USP47: variants seen among roughly 807,000 people sequenced by gnomAD.
USP47 encodes ubiquitin carboxyl-terminal hydrolase 47.
Under a neutral mutation model 165.1 loss-of-function variants are expected in USP47, and 35 were observed. That is an observed-to-expected ratio of 0.21 (90% CI 0.16 to 0.28). USP47 has a LOEUF of 0.28. Among genes scored for constraint, USP47 ranks in the 10% least tolerant of loss-of-function variants. The pLI, the probability that USP47 is intolerant of heterozygous loss-of-function variation, is 1.00. For synonymous variants in USP47, 531 were observed against 544.5 expected (o/e 0.98, Z 0.35); for missense variants, 1,277 against 1,607.4 (o/e 0.79, Z 3.52).
In USP47 at chr11:11,954,884, T is replaced by C. The variant is rs761412061; in HGVS notation, c.3715-13T>C. 6.2e-7 allele frequency: 1 copy of C among 1,610,712 alleles called. No individual in the cohort carries two copies. The highest frequency in any genetic ancestry group is 1.1e-5 in the South Asian group (1 of 89,818). ...TTTTTAAATGAACTCAAATAAAATG[T>C]TTTATTTTACAGCTTAGTGAAATCA... is the stretch of plus-strand genomic sequence containing the variant. On this transcript the variant is annotated splice_polypyrimidine_tract_variant and intron_variant, in intron 25 of 27. Coordinates refer to ENST00000527733, the MANE Select transcript of USP47 (RefSeq NM_001282659.2).
At chr11:11,903,462 C>G in intron 7 of USP47, 120 bp downstream of exon 7, 1 of 850,540 alleles carries the variant, frequency 1.2e-6, no homozygotes, top group Non-Finnish European at 1.8e-6. Flanking sequence ...GTTAAAGTAC[C>G]CAATGGGAAA....
intron 25 of USP47, among the ~76,000 whole-genome samples, chr11:11,953,904 CATT>C (rs1337078161): frequency 2.6e-5 from 4 of 152,024 alleles, no homozygotes; most frequent in Non-Finnish European, 5.9e-5. Flanking sequence ...CAGTTGGCAT[CATT>C]TGTCAGTATT....
chr11:11,905,628 A>G, intron 8 of USP47, 80 bp downstream of exon 8: 1 of 1,336,260 alleles, frequency 7.5e-7, no homozygotes. Flanking sequence ...CTTGTAAGGT[A>G]AGTATCATCC....
chr11:11,948,446 A>G (rs934790453), intron 21 of USP47, 32 bp from the exon 22 acceptor site: 1 of 1,556,736 alleles, frequency 6.4e-7, no homozygotes, highest in Non-Finnish European at 8.9e-7. Context: ...CTGCTGAGAC[A>G]GCATGTCTAA....
In USP47 at chr11:11,942,472, C is replaced by G; in HGVS notation, c.2451C>G (p.Ser817=). ...CTGAACAATCCCCAGTATCTTATTC[C>G]AAAAGGACAGCATACCAGAAAGCTG... is the stretch of plus-strand genomic sequence containing the variant. ...LLPEQSPVSY[S]KRTAYQKAGG... The change falls in exon 20 of 28, where the codon TCC becomes TCG. Residue 817 remains serine (S), a synonymous_variant. Coordinates refer to ENST00000527733, the MANE Select transcript of USP47 (RefSeq NM_001282659.2). The G allele has an allele frequency of 6.2e-7, 1 of 1,613,482 alleles. No individual in the cohort carries two copies. The highest frequency in any genetic ancestry group is 1.7e-5 in the Admixed American group (1 of 59,906).
intron 4 of USP47, among the ~76,000 whole-genome samples, chr11:11,892,818 T>TAA (rs778720093): frequency 0.013 from 1,049 of 80,060 alleles, 28 homozygotes; most frequent in African/African-American, 0.053. Flanking sequence ...CTGTCTCAAG[T>TAA]AAAAAAAAAA....
At chr11:11,905,307 C>A in intron 7 of USP47, 92 bp from the exon 8 acceptor site, 1 of 843,026 alleles carries the variant, frequency 1.2e-6, no homozygotes, top group Non-Finnish European at 1.6e-6. Flanking sequence ...TATCAATATC[C>A]TTTTGTAAAC....
chr11:11,910,513 A>G (rs1316211771), intron 8 of USP47, among the ~76,000 whole-genome samples: 2 of 152,064 alleles, frequency 1.3e-5, no homozygotes, highest in Non-Finnish European at 2.9e-5. Context: ...GGGAGCCTAG[A>G]TTCTCTGTTC....
intron 27 of USP47, among the ~76,000 whole-genome samples, chr11:11,955,543 C>T (rs1856510735): frequency 6.6e-6 from 1 of 152,126 alleles, no homozygotes; most frequent in Non-Finnish European, 1.5e-5. Flanking sequence ...GCTCAATAGC[C>T]ACATGTGGCT....
chr11:11,914,788 A>T (rs1853285620), intron 8 of USP47, among the ~76,000 whole-genome samples: 1 of 152,186 alleles, frequency 6.6e-6, no homozygotes, highest in African/African-American at 2.4e-5. Flanking sequence ...GGAAATGCAA[A>T]TTCAAACCAT....
intron 10 of USP47, 54 bp from the exon 11 acceptor site, chr11:11,922,670 G>T: frequency 1.4e-6 from 2 of 1,458,820 alleles, no homozygotes; most frequent in South Asian, 2.9e-5. Context: ...AAGTTTTGTT[G>T]AACATATTTT....
intron 1 of USP47, chr11:11,873,849 A>G (rs533131577): frequency 8.7e-6 from 13 of 1,489,730 alleles, no homozygotes; most frequent in Non-Finnish European, 1.2e-5. Flanking sequence ...ATGAAGAAGA[A>G]ATTTTTACAG....
intron 1 of USP47, chr11:11,873,799 G>A (rs1386063050): frequency 6.8e-7 from 1 of 1,466,172 alleles, no homozygotes; most frequent in Admixed American, 2.2e-5. Flanking sequence ...ATATACCATA[G>A]GATGTGTTTT....
chr11:11,846,543 C>T (rs1185883358), intron 1 of USP47, among the ~76,000 whole-genome samples: 2 of 152,122 alleles, frequency 1.3e-5, no homozygotes, highest in East Asian at 3.9e-4. Context: ...GTCTTTCATG[C>T]AATCACTACT....
intron 2 of USP47, among the ~76,000 whole-genome samples, chr11:11,882,025 T>C (rs1850866449): frequency 6.6e-6 from 1 of 152,182 alleles, no homozygotes; most frequent in Non-Finnish European, 1.5e-5. Context: ...GTATTCTAGA[T>C]AGCCTTTTTT....
At chr11:11,892,498 C>T (rs1195006052) in intron 4 of USP47, among the ~76,000 whole-genome samples, 2 of 150,468 alleles carry the variant, frequency 1.3e-5, no homozygotes, top group Non-Finnish European at 3.0e-5. Context: ...CCTCCCACCT[C>T]AGTCCCCTGA....
At chr11:11,914,315 T>A (rs1287091098) in intron 8 of USP47, among the ~76,000 whole-genome samples, 1 of 152,086 alleles carries the variant, frequency 6.6e-6, no homozygotes, top group African/African-American at 2.4e-5. Context: ...AAATGGTGTT[T>A]CCAACAAATG....
At chr11:11,854,557 C>A (rs1156395007) in intron 1 of USP47, among the ~76,000 whole-genome samples, 2 of 147,560 alleles carry the variant, frequency 1.4e-5, no homozygotes, top group African/African-American at 4.9e-5. Context: ...TCATTACCTT[C>A]ATTTCTATAT....
At chr11:11,913,570 A>G (rs941972506) in intron 8 of USP47, among the ~76,000 whole-genome samples, 1 of 152,014 alleles carries the variant, frequency 6.6e-6, no homozygotes, top group Non-Finnish European at 1.5e-5. Context: ...AGCTGATCTC[A>G]TGAAGGTAGA....
Sources: gnomAD v4.1 joint callset for allele counts (sites outside exome capture counted in the v4.1 genomes callset) on GRCh38, gnomAD v4.1.1 for gene constraint, MANE v1.5 for transcripts, NCBI Gene and HGNC (gene_info 2026-07-23, HGNC 2026-07-21) for gene names.